SGK3: variants seen among roughly 807,000 people sequenced by gnomAD.
SGK3 encodes serum/glucocorticoid regulated kinase family member 3, also known as serine/threonine-protein kinase Sgk3.
In SGK3, 47 loss-of-function variants were observed where a neutral mutation model predicts 68.5. That is an observed-to-expected ratio of 0.69 (90% CI 0.54 to 0.87). The LOEUF (loss-of-function observed/expected upper bound fraction) is 0.87, where lower values mean the gene tolerates loss of function less well. Among genes scored for constraint, SGK3 ranks in the 40% least tolerant of loss-of-function variants. The probability of loss-of-function intolerance (pLI) is 0.00; values close to 1 mark genes in which losing one functional copy is unlikely to be tolerated. For synonymous variants in SGK3, 181 were observed against 189.1 expected (o/e 0.96, Z 0.35); for missense variants, 479 against 575.5 (o/e 0.83, Z 1.72).
intron 1 of SGK3, among the ~76,000 whole-genome samples, chr8:66,784,649 G>A (rs1047313567): frequency 1.3e-5 from 2 of 151,982 alleles, no homozygotes; most frequent in Non-Finnish European, 2.9e-5. Context: ...AGGACAGTAA[G>A]TAGCATATAA....
intron 15 of SGK3, among the ~76,000 whole-genome samples, chr8:66,848,662 G>A (rs373909452): frequency 6.6e-6 from 1 of 152,084 alleles, no homozygotes; most frequent in African/African-American, 2.4e-5. Context: ...GTCCATGTTT[G>A]TTTGTTTTGC....
At chr8:66,792,562 T>C (rs996407395) in intron 1 of SGK3, among the ~76,000 whole-genome samples, 5 of 152,120 alleles carry the variant, frequency 3.3e-5, no homozygotes, top group Non-Finnish European at 7.4e-5. Flanking sequence ...AGGGCAATTA[T>C]CCAAGCAAAC....
chr8:66,828,526 C>G, intron 6 of SGK3, 128 bp from the exon 7 acceptor site: 1 of 1,256,066 alleles, frequency 8.0e-7, no homozygotes, highest in South Asian at 1.3e-5. Flanking sequence ...AGAATCAGGA[C>G]TTTGGGTTTC....
chr8:66,806,307 G>C (rs541860875), intron 4 of SGK3, among the ~76,000 whole-genome samples: 2 of 151,600 alleles, frequency 1.3e-5, no homozygotes. Flanking sequence ...TTTTATTGGC[G>C]AACAGTGGCA....
chr8:66,761,078 A>G (rs1269028431), intron 1 of SGK3, among the ~76,000 whole-genome samples: 1 of 151,804 alleles, frequency 6.6e-6, no homozygotes, highest in Non-Finnish European at 1.5e-5. Flanking sequence ...AGTAATCTTT[A>G]CTGCTTTATC....
intron 3 of SGK3, among the ~76,000 whole-genome samples, chr8:66,798,976 A>G (rs1033764558): frequency 2.9e-4 from 44 of 152,288 alleles, no homozygotes; most frequent in African/African-American, 1.0e-3. Context: ...TTTATGTTTG[A>G]AAGTCTGTCA....
At chr8:66,793,499 G>A (rs923616099) in intron 1 of SGK3, 117 bp from the exon 2 acceptor site, 5 of 344,380 alleles carry the variant, frequency 1.5e-5, no homozygotes, top group African/African-American at 8.3e-5. Flanking sequence ...TGAGACTGAT[G>A]AGCAAAAGTA....
chr8:66,839,925 C>A, intron 10 of SGK3, 78 bp from the exon 11 acceptor site: 1 of 1,305,900 alleles, frequency 7.7e-7, no homozygotes, highest in Non-Finnish European at 1.1e-6. Context: ...TTTGTATTTA[C>A]CGAATATATT....
chr8:66,823,192 A>G (rs970545812), intron 6 of SGK3, among the ~76,000 whole-genome samples: 1 of 151,984 alleles, frequency 6.6e-6, no homozygotes, highest in Non-Finnish European at 1.5e-5. Flanking sequence ...CATTATTGCC[A>G]CCCTTGAAAC....
chr8:66,855,467 T>G (rs1810474528), intron 16 of SGK3, among the ~76,000 whole-genome samples: 1 of 152,222 alleles, frequency 6.6e-6, no homozygotes. Context: ...CCTCCCAAAG[T>G]GCTGGGATTA....
chr8:66,845,764 C>T lies in SGK3; in HGVS notation c.1075-1429C>T, dbSNP rs1196076827. Among the ~76,000 whole-genome samples, 3 of 151,212 alleles carry T rather than the reference C, an allele frequency of 2.0e-5. No homozygotes were observed. In the East Asian group the frequency reaches 5.8e-4, roughly 29 times the overall value. On this transcript the variant is annotated intron_variant, in intron 14 of 16. Transcript: ENST00000521198. ...GTAGAGACAGGGTGTCGCCATGTTGCCTAGGCTGGTCTCAAACTCCTGAGC... is the reference window on the plus strand; with the variant it reads ...GTAGAGACAGGGTGTCGCCATGTTGTCTAGGCTGGTCTCAAACTCCTGAGC...
chr8:66,805,576 A>G (rs1215351286), intron 4 of SGK3, among the ~76,000 whole-genome samples: 1 of 151,920 alleles, frequency 6.6e-6, no homozygotes, highest in Non-Finnish European at 1.5e-5. Flanking sequence ...TGGGGAACCC[A>G]TGGACACAGA....
At chr8:66,770,850 G>A (rs1025372909) in intron 1 of SGK3, among the ~76,000 whole-genome samples, 20 of 152,000 alleles carry the variant, frequency 1.3e-4, no homozygotes, top group African/African-American at 4.1e-4. Context: ...GTTCTCCCTG[G>A]ATTCATAGCC....
intron 6 of SGK3, 119 bp downstream of exon 6, chr8:66,822,578 T>A: frequency 1.1e-6 from 1 of 877,718 alleles, no homozygotes; most frequent in Non-Finnish European, 1.7e-6. Context: ...TTCTACTATG[T>A]AGAACACATA....
chr8:66,815,056 T>C (rs1808524630), intron 5 of SGK3, among the ~76,000 whole-genome samples: 1 of 152,200 alleles, frequency 6.6e-6, no homozygotes, highest in Non-Finnish European at 1.5e-5. Flanking sequence ...TAACAGTCTT[T>C]TCGGAACCAC....
intron 1 of SGK3, among the ~76,000 whole-genome samples, chr8:66,736,572 G>A (rs1022427726): frequency 1.3e-5 from 2 of 151,208 alleles, no homozygotes; most frequent in African/African-American, 4.9e-5. Context: ...ATCCTCCTTC[G>A]TTAGCCTCCC....
chr8:66,770,705 A>G (rs1362770463), intron 1 of SGK3, among the ~76,000 whole-genome samples: 1 of 151,990 alleles, frequency 6.6e-6, no homozygotes, highest in African/African-American at 2.4e-5. Context: ...TCTTTGCTGT[A>G]CTTTTTATAG....
chr8:66,723,788 A>AT (rs2130345821), intron 1 of SGK3, among the ~76,000 whole-genome samples: 1 of 152,308 alleles, frequency 6.6e-6, no homozygotes, highest in Admixed American at 6.5e-5. Context: ...GTAATTCTAC[A>AT]TGTCTGTAGT....
intron 4 of SGK3, among the ~76,000 whole-genome samples, chr8:66,806,740 G>C (rs1156713752): frequency 6.6e-6 from 1 of 150,830 alleles, no homozygotes; most frequent in East Asian, 1.9e-4. Flanking sequence ...TTGAATCCAG[G>C]AGTCGGAGGT....
Sources: allele counts gnomAD v4.1 joint callset (sites outside exome capture counted in the v4.1 genomes callset), GRCh38; gene constraint gnomAD v4.1.1; transcripts MANE v1.5; gene names NCBI Gene and HGNC (gene_info 2026-07-23, HGNC 2026-07-21).